The following ROBO1 variants were observed in gnomAD, a reference collection of about 807,000 sequenced individuals.
ROBO1 encodes the protein roundabout homolog 1.
In ROBO1, 149 loss-of-function variants were observed where a neutral mutation model predicts 195.9. The observed-to-expected ratio is 0.76, with a 90% CI of 0.67 to 0.87. ROBO1 has a LOEUF of 0.87. Among genes scored for constraint, ROBO1 ranks in the 40% least tolerant of loss-of-function variants. The pLI is 0.00. For missense variants in ROBO1, 1,933 were observed against 2,068.3 expected (o/e 0.93, Z 1.27); for synonymous variants, 816 against 733.2 (o/e 1.11, Z -1.82).
At chr3:79,678,472 T>G (rs1021251490) in intron 1 of ROBO1, among the ~76,000 whole-genome samples, 5 of 152,052 alleles carry the variant, frequency 3.3e-5, no homozygotes, top group African/African-American at 1.2e-4. Context: ...CTATTTAAAA[T>G]TTGTAACTTT....
At chr3:78,639,235 T>C (rs1237899254) in intron 22 of ROBO1, among the ~76,000 whole-genome samples, 1 of 151,968 alleles carries the variant, frequency 6.6e-6, no homozygotes, top group Admixed American at 6.6e-5. Flanking sequence ...GGTGAATGGA[T>C]CACGTGAGGC....
intron 3 of ROBO1, among the ~76,000 whole-genome samples, chr3:79,076,502 G>GGTATAAAATA (rs2079176629): frequency 6.6e-6 from 1 of 151,396 alleles, no homozygotes; most frequent in African/African-American, 2.4e-5. Context: ...GTAAGTTGCA[G>GGTATAAAATA]GTATAAAATA....
chr3:79,207,909 T>A (rs1559735767), intron 2 of ROBO1, among the ~76,000 whole-genome samples: 2 of 152,056 alleles, frequency 1.3e-5, no homozygotes, highest in African/African-American at 2.4e-5. Context: ...CCTTGAGACA[T>A]CAAGTAATTT....
intron 1 of ROBO1, among the ~76,000 whole-genome samples, chr3:79,625,423 GAAAAAAAAAA>G: frequency 1.2e-3 from 17 of 13,878 alleles, no homozygotes; most frequent in African/African-American, 2.1e-3. Flanking sequence ...TGTTTTTTTT[GAAAAAAAAAA>G]AAAAAAAAAA....
chr3:79,119,042 G>A (rs894812512), intron 3 of ROBO1, among the ~76,000 whole-genome samples: 2 of 151,906 alleles, frequency 1.3e-5, no homozygotes, highest in East Asian at 1.9e-4. Context: ...TTTTCCACAC[G>A]GAAAATATTA....
intron 4 of ROBO1, among the ~76,000 whole-genome samples, chr3:78,846,855 G>A (rs933757817): frequency 2.6e-5 from 4 of 152,088 alleles, no homozygotes; most frequent in South Asian, 2.1e-4. Context: ...GGTTACTTAC[G>A]TTGCTTTGAA....
chr3:78,698,672 T>C (rs928250268), intron 8 of ROBO1, among the ~76,000 whole-genome samples: 1 of 152,116 alleles, frequency 6.6e-6, no homozygotes, highest in African/African-American at 2.4e-5. Flanking sequence ...AAGCAAAGAA[T>C]GATGTAGCAC....
intron 2 of ROBO1, among the ~76,000 whole-genome samples, chr3:79,481,786 T>G (rs1471986834): frequency 6.6e-6 from 1 of 152,184 alleles, no homozygotes; most frequent in Non-Finnish European, 1.5e-5. Context: ...CAGAAGAAAT[T>G]TTGGTATTAT....
At chr3:79,509,572 G>A (rs1293511487) in intron 2 of ROBO1, among the ~76,000 whole-genome samples, 1 of 151,968 alleles carries the variant, frequency 6.6e-6, no homozygotes, top group East Asian at 1.9e-4. Context: ...TCAATGTGTA[G>A]CTAAATATTC....
At chr3:78,885,468 T>A (rs1331572031) in intron 4 of ROBO1, among the ~76,000 whole-genome samples, 1 of 146,110 alleles carries the variant, frequency 6.8e-6, no homozygotes, top group Non-Finnish European at 1.5e-5. Flanking sequence ...AATATTTCTC[T>A]TGAAATAAAA....
intron 2 of ROBO1, among the ~76,000 whole-genome samples, chr3:79,177,555 T>C (rs935516963): frequency 6.6e-6 from 1 of 152,234 alleles, no homozygotes; most frequent in African/African-American, 2.4e-5. Context: ...CAGAGAATGA[T>C]TTCCTCTCAT....
At chr3:78,670,496 G>A in intron 10 of ROBO1, 195 bp from the exon 11 acceptor site, 1 of 570,184 alleles carries the variant, frequency 1.8e-6, no homozygotes, top group Non-Finnish European at 3.1e-6. Context: ...GACACAATGT[G>A]CTACTTTCAA....
At chr3:79,247,019 C>G (rs915551195) in intron 2 of ROBO1, among the ~76,000 whole-genome samples, 9 of 151,914 alleles carry the variant, frequency 5.9e-5, no homozygotes, top group African/African-American at 2.2e-4. Context: ...CCATTATTGT[C>G]AGGCAGTCTT....
chr3:78,847,085 G>A (rs17377726), intron 4 of ROBO1, among the ~76,000 whole-genome samples: 6,148 of 152,094 alleles, frequency 0.04, 194 homozygotes, highest in Non-Finnish European at 0.058. Context: ...CAGGGAAATC[G>A]ATTAATCAAA....
intron 1 of ROBO1, among the ~76,000 whole-genome samples, chr3:79,624,369 A>G (rs7637985): frequency 0.87 from 132,236 of 152,118 alleles, 57,534 homozygotes; most frequent in East Asian, 0.9. Flanking sequence ...AATGTAAATG[A>G]GCTAAACACC....
chr3:79,055,685 T>C (rs1483665700), intron 3 of ROBO1, among the ~76,000 whole-genome samples: 1 of 152,066 alleles, frequency 6.6e-6, no homozygotes, highest in Non-Finnish European at 1.5e-5. Flanking sequence ...ATGGAAAACA[T>C]GGAGTTTGTT....
intron 1 of ROBO1, among the ~76,000 whole-genome samples, chr3:79,660,473 T>C (rs1946297067): frequency 1.3e-5 from 2 of 152,068 alleles, no homozygotes; most frequent in South Asian, 2.1e-4. Context: ...AAGTTGTGTT[T>C]CCTCTTTCTG....
intron 2 of ROBO1, among the ~76,000 whole-genome samples, chr3:79,491,058 A>T (rs1939427840): frequency 6.6e-6 from 1 of 152,008 alleles, no homozygotes. Context: ...AAACTGAAAG[A>T]TAAAATTGTG....
intron 3 of ROBO1, among the ~76,000 whole-genome samples, chr3:78,949,940 G>A (rs1383892021): frequency 3.9e-5 from 6 of 152,162 alleles, no homozygotes; most frequent in Non-Finnish European, 5.9e-5. Flanking sequence ...TCAGAGAAAT[G>A]CAAATCAAAA....
Sources: allele counts gnomAD v4.1 joint callset (sites outside exome capture counted in the v4.1 genomes callset), GRCh38; gene constraint gnomAD v4.1.1; transcripts MANE v1.5; gene names NCBI Gene and HGNC (gene_info 2026-07-23, HGNC 2026-07-21).